The following EPHA5 variants were observed in gnomAD, a reference collection of about 807,000 sequenced individuals.
EPHA5 encodes EPH receptor A5, also known as ephrin type-A receptor 5.
In EPHA5, 60 loss-of-function variants were observed where a neutral mutation model predicts 105.0. The observed-to-expected ratio is 0.57, with a 90% CI of 0.46 to 0.71. The LOEUF (loss-of-function observed/expected upper bound fraction) is 0.71, where lower values mean the gene tolerates loss of function less well. Among genes scored for constraint, EPHA5 ranks in the 30% least tolerant of loss-of-function variants. The pLI, the probability that EPHA5 is intolerant of heterozygous loss-of-function variation, is 0.00. For synonymous variants in EPHA5, 513 were observed against 449.1 expected, an observed-to-expected ratio of 1.14 and a Z score of -1.80; for missense variants, 1,218 against 1,274.7, an observed-to-expected ratio of 0.96 and a Z score of 0.68.
At chr4:65,428,166 T>C (rs943623284) in intron 5 of EPHA5, among the ~76,000 whole-genome samples, 6 of 152,064 alleles carry the variant, frequency 3.9e-5, no homozygotes, top group African/African-American at 1.4e-4. Flanking sequence ...AATGAGTAAC[T>C]AAATTTCCTA....
chr4:65,372,208 T>C (rs540791866), intron 8 of EPHA5, among the ~76,000 whole-genome samples: 4 of 152,044 alleles, frequency 2.6e-5, no homozygotes, highest in Non-Finnish European at 5.9e-5. Flanking sequence ...AATAATACTG[T>C]TTTTTAGAAA....
At chr4:65,602,356 C>T (rs936531017) in intron 2 of EPHA5, 52 bp from the exon 3 acceptor site, 1 of 1,411,504 alleles carries the variant, frequency 7.1e-7, no homozygotes, top group Admixed American at 2.4e-5. Context: ...TAGAAAATAA[C>T]AAGGAACTAT....
chr4:65,657,340 C>T (rs1462530042), intron 1 of EPHA5, among the ~76,000 whole-genome samples: 1 of 151,986 alleles, frequency 6.6e-6, no homozygotes, highest in Non-Finnish European at 1.5e-5. Flanking sequence ...GTTATGTTGG[C>T]TGATAGCTGT....
chr4:65,608,308 T>A (rs1744434682), intron 2 of EPHA5, among the ~76,000 whole-genome samples: 1 of 151,812 alleles, frequency 6.6e-6, no homozygotes, highest in South Asian at 2.1e-4. Flanking sequence ...ATCGAGACCA[T>A]CCTGACTAAC....
intron 3 of EPHA5, among the ~76,000 whole-genome samples, chr4:65,538,368 A>G (rs1736495641): frequency 6.6e-6 from 1 of 151,736 alleles, no homozygotes; most frequent in Admixed American, 6.6e-5. Flanking sequence ...GTTAAATGTT[A>G]TGGATGCACA....
intron 3 of EPHA5, among the ~76,000 whole-genome samples, chr4:65,592,885 G>T (rs1378541766): frequency 6.6e-6 from 1 of 152,114 alleles, no homozygotes; most frequent in Non-Finnish European, 1.5e-5. Context: ...GAGCACAGAA[G>T]AATTAGACAA....
chr4:65,641,754 C>T (rs1304964005), intron 2 of EPHA5, among the ~76,000 whole-genome samples: 2 of 151,852 alleles, frequency 1.3e-5, no homozygotes, highest in Non-Finnish European at 2.9e-5. Context: ...TTGAAGGAAA[C>T]ATTACTCAAC....
rs773130527 is a variant in EPHA5 at position 65,602,149 on chromosome 4, C to A, written c.402G>T (p.Leu134=). 1 of 1,614,048 alleles carries A rather than the reference C, an allele frequency of 6.2e-7. No individual in the cohort carries two copies. The highest frequency in any genetic ancestry group is 1.1e-5 in the South Asian group (1 of 91,076). ...SRIFIELKFT[L]RDCNSLPGGL... ...CTCCAGGAAGGCTGTTGCAGTCCCG[C>A]AGGGTAAATTTGAGTTCTATGAAGA... The change falls in exon 3 of 17, where the codon CTG becomes CTT. Residue 134 remains leucine, a synonymous_variant. Transcript: ENST00000613740.
chr4:65,663,726 A>T (rs1287814147), intron 1 of EPHA5, among the ~76,000 whole-genome samples: 2 of 152,144 alleles, frequency 1.3e-5, no homozygotes, highest in Admixed American at 6.6e-5. Flanking sequence ...ATAGGAATTT[A>T]AAAAATAGAG....
rs1218543974 is a variant in EPHA5, at chr4:65,320,961, A to T, written c.*3153T>A. 1 of 230,328 alleles carries T rather than the reference A, an allele frequency of 4.3e-6. No individual in the cohort carries two copies. Among genetic ancestry groups the T allele is most frequent in the African/African-American group, 2.2e-5 (1 of 45,160 alleles). The allele number at this position is 230,328 out of a possible 1,614,324, so 14.3% of individuals were successfully genotyped here. On this transcript the variant is annotated 3_prime_UTR_variant, in exon 17 of 17. Coordinates refer to ENST00000613740, the MANE Select transcript of EPHA5 (RefSeq NM_001281766.3). ...AAAAGATCATGCACATTACAATTTT[A>T]AAACATAGGAAAATCAAAATCTTTA... is the stretch of plus-strand genomic sequence containing the variant.
intron 5 of EPHA5, among the ~76,000 whole-genome samples, chr4:65,446,636 T>A (rs1425358702): frequency 6.6e-6 from 1 of 151,886 alleles, no homozygotes; most frequent in Non-Finnish European, 1.5e-5. Flanking sequence ...AAGATATGAA[T>A]AATGTACAGA....
chr4:65,515,848 C>T (rs758629838), intron 3 of EPHA5, among the ~76,000 whole-genome samples: 3 of 152,018 alleles, frequency 2.0e-5, no homozygotes, highest in South Asian at 2.1e-4. Flanking sequence ...TGTGGCTAGA[C>T]GTCATCCAGT....
chr4:65,551,153 C>T (rs1737862435), intron 3 of EPHA5, among the ~76,000 whole-genome samples: 1 of 133,526 alleles, frequency 7.5e-6, no homozygotes, highest in Non-Finnish European at 1.6e-5. Context: ...ATGAGCATAT[C>T]ATTTATTATC....
chr4:65,396,262 T>TA, intron 8 of EPHA5, among the ~76,000 whole-genome samples: 1 of 152,226 alleles, frequency 6.6e-6, no homozygotes, highest in Non-Finnish European at 1.5e-5. Context: ...TAGATATTGA[T>TA]TAGGGTCCTA....
chr4:65,398,757 C>T (rs1179569495), intron 8 of EPHA5, among the ~76,000 whole-genome samples: 1 of 152,120 alleles, frequency 6.6e-6, no homozygotes, highest in Admixed American at 6.5e-5. Context: ...GGACAACATG[C>T]CTGCAGATAG....
At chr4:65,476,243 C>A (rs905513642) in intron 5 of EPHA5, among the ~76,000 whole-genome samples, 3 of 151,412 alleles carry the variant, frequency 2.0e-5, no homozygotes, top group African/African-American at 7.3e-5. Flanking sequence ...TGCATTGTAA[C>A]AAACAGACAG....
At chr4:65,417,085 C>G (rs184206315) in intron 6 of EPHA5, among the ~76,000 whole-genome samples, 3 of 152,310 alleles carry the variant, frequency 2.0e-5, no homozygotes, top group Admixed American at 2.0e-4. Flanking sequence ...GCAGAAGGAG[C>G]CAGCTGGCAA....
At chr4:65,359,213 T>C (rs1723589323) in intron 11 of EPHA5, among the ~76,000 whole-genome samples, 1 of 151,634 alleles carries the variant, frequency 6.6e-6, no homozygotes, top group African/African-American at 2.4e-5. Context: ...TACGTGTATT[T>C]ATTAAAAACC....
intron 11 of EPHA5, among the ~76,000 whole-genome samples, chr4:65,355,032 G>A (rs1488096251): frequency 1.3e-5 from 2 of 151,770 alleles, no homozygotes; most frequent in African/African-American, 2.4e-5. Flanking sequence ...TATGTTAGGT[G>A]AGAGATCACA....
Sources: allele counts gnomAD v4.1 joint callset (sites outside exome capture counted in the v4.1 genomes callset), GRCh38; gene constraint gnomAD v4.1.1; transcripts MANE v1.5; gene names NCBI Gene and HGNC (gene_info 2026-07-23, HGNC 2026-07-21).